The following POTEJ variants were observed in gnomAD, a reference collection of about 807,000 sequenced individuals.
The protein encoded by POTEJ is POTE ankyrin domain family member J.
A neutral mutation model predicts 69.0 loss-of-function variants in POTEJ; 11 were observed. The ratio of observed to expected loss-of-function variants is 0.16; its 90% confidence interval spans 0.10 to 0.26. The LOEUF (loss-of-function observed/expected upper bound fraction) is 0.26, where lower values mean the gene tolerates loss of function less well. Ranked by LOEUF, POTEJ falls within the 10% of genes least tolerant of loss-of-function variation. The pLI is 1.00. For missense variants in POTEJ, 327 were observed against 1,045.5 expected (o/e 0.31, Z 9.48); for synonymous variants, 117 against 381.1 (o/e 0.31, Z 8.07).
intron 10 of POTEJ, among the ~76,000 whole-genome samples, 162 bp downstream of exon 10, chr2:130,638,851 T>G (rs1573986954): frequency 1.3e-5 from 2 of 152,422 alleles, no homozygotes; most frequent in East Asian, 1.9e-4. Flanking sequence ...CTTTATATTA[T>G]TATTACATTG....
At chr2:130,634,453 T>C (rs1267769564) in intron 9 of POTEJ, among the ~76,000 whole-genome samples, 1 of 131,604 alleles carries the variant, frequency 7.6e-6, no homozygotes, top group Non-Finnish European at 1.6e-5. Flanking sequence ...TCAGTTGTCC[T>C]AGAATTGGCT....
intron 9 of POTEJ, among the ~76,000 whole-genome samples, chr2:130,637,451 T>G (rs1686138049): frequency 1.3e-5 from 2 of 150,004 alleles, no homozygotes; most frequent in African/African-American, 4.9e-5. Flanking sequence ...GGCCCTCGCA[T>G]AAGGCGGCCA....
chr2:130,623,826 A>G (rs1685610654), intron 5 of POTEJ, among the ~76,000 whole-genome samples: 1 of 132,038 alleles, frequency 7.6e-6, no homozygotes, highest in African/African-American at 3.3e-5. Flanking sequence ...TGCTAATGCT[A>G]GCTAATTTAC....
chr2:130,612,808 A>G (rs1436775117), intron 1 of POTEJ, among the ~76,000 whole-genome samples: 1 of 148,104 alleles, frequency 6.8e-6, no homozygotes, highest in Non-Finnish European at 1.5e-5. Context: ...TCTATTTATC[A>G]CTTTTACATA....
intron 6 of POTEJ, among the ~76,000 whole-genome samples, chr2:130,626,751 A>G (rs1430395816): frequency 2.0e-5 from 3 of 152,160 alleles, no homozygotes; most frequent in Non-Finnish European, 4.4e-5. Context: ...GCATCAATGT[A>G]TTACAAGGTT....
At chr2:130,639,031 G>A (rs1335468380) in intron 10 of POTEJ, among the ~76,000 whole-genome samples, 1 of 152,270 alleles carries the variant, frequency 6.6e-6, no homozygotes, top group Non-Finnish European at 1.5e-5. Context: ...CCTCAGATGG[G>A]CAGTTCACAA....
rs751673995 is a variant in POTEJ, at chr2:130,656,581, C to G, written c.1821C>G (p.Phe607Leu). 2.5e-6 allele frequency: 4 copies of G among 1,609,492 alleles called. No homozygotes were observed. The African/African-American group carries it at 4.1e-5, about 17-fold the overall frequency. ...TTAGTTGTAAGAAAGAAAGAGACTTCTTGCATGAAAATAGTATGTTGCGGG... is the reference window on the plus strand; with the variant it reads ...TTAGTTGTAAGAAAGAAAGAGACTTGTTGCATGAAAATAGTATGTTGCGGG... ...LSLSCKKERD[F>L]LHENSMLREE... Residue 607 changes from phenylalanine to leucine, a missense_variant, in exon 15 of 15, where the codon TTC (phenylalanine) becomes TTG (leucine). Transcript: ENST00000409602.
intron 10 of POTEJ, among the ~76,000 whole-genome samples, chr2:130,641,793 C>G (rs1176032237): frequency 6.6e-6 from 1 of 152,194 alleles, no homozygotes; most frequent in African/African-American, 2.4e-5. Context: ...TAACTCACAT[C>G]CTACTAGTTT....
At chr2:130,648,788 T>TG (rs1686689963) in intron 13 of POTEJ, among the ~76,000 whole-genome samples, 1 of 104,610 alleles carries the variant, frequency 9.6e-6, no homozygotes, top group African/African-American at 4.9e-5. Context: ...ATAGTTTTTT[T>TG]TTTTTTTTTT....
At chr2:130,612,570 C>T in intron 1 of POTEJ, among the ~76,000 whole-genome samples, 1 of 152,260 alleles carries the variant, frequency 6.6e-6, no homozygotes, top group Non-Finnish European at 1.5e-5. Flanking sequence ...ACCATCCTGG[C>T]TAACACGGTG....
chr2:130,626,699 C>T (rs1474327882), intron 6 of POTEJ, among the ~76,000 whole-genome samples: 1 of 152,186 alleles, frequency 6.6e-6, no homozygotes, highest in Non-Finnish European at 1.5e-5. Context: ...GAAGTTTTTG[C>T]AGTAGTCAGC....
At chr2:130,631,935 G>A (rs1195637830) in intron 8 of POTEJ, among the ~76,000 whole-genome samples, 2 of 143,308 alleles carry the variant, frequency 1.4e-5, no homozygotes, top group Admixed American at 1.4e-4. Context: ...TTTTCAGTGA[G>A]CACCATCATG....
chr2:130,629,062 C>A (rs200886270), intron 6 of POTEJ, among the ~76,000 whole-genome samples: 1 of 152,138 alleles, frequency 6.6e-6, no homozygotes. Context: ...ATGTCCGAAT[C>A]GTGGAGGGAA....
At chr2:130,629,056 C>G (rs1308270534) in intron 6 of POTEJ, among the ~76,000 whole-genome samples, 4 of 152,186 alleles carry the variant, frequency 2.6e-5, no homozygotes, top group Admixed American at 6.5e-5. Context: ...ATAAATATGT[C>G]CGAATCGTGG....
chr2:130,636,109 C>T (rs1388953696), intron 9 of POTEJ, among the ~76,000 whole-genome samples: 2 of 146,422 alleles, frequency 1.4e-5, no homozygotes, highest in African/African-American at 5.5e-5. Flanking sequence ...TCCAGACACA[C>T]CTCTGTGCTT....
intron 1 of POTEJ, among the ~76,000 whole-genome samples, chr2:130,615,921 G>C (rs1685396589): frequency 7.2e-6 from 1 of 138,944 alleles, no homozygotes; most frequent in African/African-American, 3.0e-5. Flanking sequence ...CTATTCATTT[G>C]AATTCCAAGT....
chr2:130,638,289 A>G (rs1359757664), intron 9 of POTEJ, among the ~76,000 whole-genome samples: 1 of 151,756 alleles, frequency 6.6e-6, no homozygotes, highest in Non-Finnish European at 1.5e-5. Flanking sequence ...TAAGCCTAAG[A>G]GAAGCAGCTT....
At chr2:130,626,784 C>T (rs1286322472) in intron 6 of POTEJ, among the ~76,000 whole-genome samples, 279 of 149,338 alleles carry the variant, frequency 1.9e-3, no homozygotes, top group African/African-American at 6.9e-3. Flanking sequence ...TAGTGAAATA[C>T]ATAAAGTTAG....
At chr2:130,614,092 G>T (rs1445394002) in intron 1 of POTEJ, among the ~76,000 whole-genome samples, 1 of 130,652 alleles carries the variant, frequency 7.7e-6, no homozygotes, top group Non-Finnish European at 1.6e-5. Flanking sequence ...GGGAGGTGGA[G>T]GTTGCAGTGA....
Sources: gnomAD v4.1 joint callset for allele counts (sites outside exome capture counted in the v4.1 genomes callset) on GRCh38, gnomAD v4.1.1 for gene constraint, MANE v1.5 for transcripts, NCBI Gene and HGNC (gene_info 2026-07-23, HGNC 2026-07-21) for gene names.